HS3ST4: variants seen among roughly 807,000 people sequenced by gnomAD.
HS3ST4 encodes heparan sulfate glucosamine 3-O-sulfotransferase 4.
In HS3ST4, 17 loss-of-function variants were observed where a neutral mutation model predicts 29.2. The ratio of observed to expected loss-of-function variants is 0.58; its 90% CI spans 0.40 to 0.87. HS3ST4 has a LOEUF of 0.87. Ranked by LOEUF, HS3ST4 falls within the 40% of genes least tolerant of loss-of-function variation. The pLI is 0.00. For missense variants in HS3ST4, 627 were observed against 634.5 expected (o/e 0.99, Z 0.13); for synonymous variants, 314 against 285.7 (o/e 1.10, Z -1.00).
At chr16:25,807,191 C>T (rs1966998467) in intron 1 of HS3ST4, among the ~76,000 whole-genome samples, 1 of 152,062 alleles carries the variant, frequency 6.6e-6, no homozygotes, top group Non-Finnish European at 1.5e-5. Context: ...CTGGGCTGGT[C>T]TCGAACTCCT....
chr16:25,906,224 T>C (rs1472129950), intron 1 of HS3ST4, among the ~76,000 whole-genome samples: 1 of 152,142 alleles, frequency 6.6e-6, no homozygotes, highest in East Asian at 1.9e-4. Context: ...TGGGAGGCAG[T>C]CTCACTTTTT....
intron 1 of HS3ST4, among the ~76,000 whole-genome samples, chr16:25,694,767 G>GT (rs796292619): frequency 0.061 from 8,750 of 144,592 alleles, 696 homozygotes; most frequent in African/African-American, 0.19. Flanking sequence ...GGGTAATTGC[G>GT]TTTTTTTTTT....
chr16:25,923,352 T>G (rs924697187), intron 1 of HS3ST4, among the ~76,000 whole-genome samples: 1 of 152,208 alleles, frequency 6.6e-6, no homozygotes, highest in Non-Finnish European at 1.5e-5. Flanking sequence ...ATTGCCTTAT[T>G]CTTTTCTGTG....
intron 1 of HS3ST4, among the ~76,000 whole-genome samples, chr16:25,831,395 C>CCACACACACA (rs555584666): frequency 2.9e-4 from 29 of 101,644 alleles, no homozygotes; most frequent in South Asian, 6.6e-4. Context: ...GACCCCGTCT[C>CCACACACACA]TACACACACA....
intron 1 of HS3ST4, among the ~76,000 whole-genome samples, chr16:25,977,011 G>A (rs1022907088): frequency 6.6e-6 from 1 of 152,114 alleles, no homozygotes; most frequent in Non-Finnish European, 1.5e-5. Context: ...GGTAGGATTT[G>A]GCCCATGGGC....
At chr16:25,880,130 T>C (rs1967878680) in intron 1 of HS3ST4, among the ~76,000 whole-genome samples, 2 of 152,192 alleles carry the variant, frequency 1.3e-5, no homozygotes, top group Non-Finnish European at 2.9e-5. Flanking sequence ...CCCAGACCTC[T>C]TTTTCCTGAG....
chr16:26,000,029 A>G (rs1481065384), intron 1 of HS3ST4, among the ~76,000 whole-genome samples: 1 of 151,172 alleles, frequency 6.6e-6, no homozygotes, highest in East Asian at 1.9e-4. Context: ...ACATGTTGAA[A>G]AGTAATTATC....
At chr16:26,059,795 T>C (rs1898453917) in intron 1 of HS3ST4, among the ~76,000 whole-genome samples, 1 of 152,198 alleles carries the variant, frequency 6.6e-6, no homozygotes, top group South Asian at 2.1e-4. Flanking sequence ...TTATTTTTTT[T>C]GAGATGGAGT....
chr16:25,796,109 G>T (rs573629637), intron 1 of HS3ST4, among the ~76,000 whole-genome samples: 1 of 152,242 alleles, frequency 6.6e-6, no homozygotes, highest in Admixed American at 6.5e-5. Flanking sequence ...TAATTAGGCA[G>T]CCCTGAACCC....
intron 1 of HS3ST4, among the ~76,000 whole-genome samples, chr16:25,873,393 TCCATCCATCCATCCATCCATCCAC>T (rs1385289705): frequency 0.023 from 3,205 of 139,436 alleles, 51 homozygotes; most frequent in South Asian, 0.036. Flanking sequence ...CATCCATCCA[TCCATCCATCCATCCATCCATCCAC>T]CCATCCATCC....
intron 1 of HS3ST4, among the ~76,000 whole-genome samples, chr16:25,897,687 T>G (rs1404422219): frequency 1.3e-5 from 2 of 152,002 alleles, no homozygotes; most frequent in Non-Finnish European, 2.9e-5. Flanking sequence ...CACAGCTTCC[T>G]CTCTCTCCCC....
chr16:25,784,015 A>G (rs1966855042), intron 1 of HS3ST4, among the ~76,000 whole-genome samples: 3 of 152,150 alleles, frequency 2.0e-5, no homozygotes, highest in African/African-American at 7.2e-5. Flanking sequence ...TGTGTGTCAT[A>G]TTTTGGTAAT....
chr16:25,761,180 A>C (rs1350863761), intron 1 of HS3ST4, among the ~76,000 whole-genome samples: 1 of 152,172 alleles, frequency 6.6e-6, no homozygotes, highest in African/African-American at 2.4e-5. Context: ...GATCTGCTTC[A>C]GTCGTATCTT....
At chr16:26,023,740 C>T (rs1596647844) in intron 1 of HS3ST4, among the ~76,000 whole-genome samples, 1 of 152,176 alleles carries the variant, frequency 6.6e-6, no homozygotes, top group East Asian at 1.9e-4. Flanking sequence ...GCTCTCCTAC[C>T]TAGTCTTTAT....
chr16:25,954,347 TCTC>T (rs1226188384), intron 1 of HS3ST4, among the ~76,000 whole-genome samples: 5 of 152,122 alleles, frequency 3.3e-5, no homozygotes, highest in Admixed American at 3.3e-4. Context: ...TTATCCCTCT[TCTC>T]CTCCCTTTCT....
chr16:25,916,980 C>A (rs1341464188), intron 1 of HS3ST4, among the ~76,000 whole-genome samples: 1 of 152,054 alleles, frequency 6.6e-6, no homozygotes, highest in African/African-American at 2.4e-5. Context: ...CGCCCTGCCT[C>A]GAATGCATTC....
intron 1 of HS3ST4, among the ~76,000 whole-genome samples, chr16:26,091,103 C>T (rs931867993): frequency 6.6e-6 from 1 of 152,100 alleles, no homozygotes; most frequent in Non-Finnish European, 1.5e-5. Context: ...TAAGGTAGAC[C>T]AAAGAAAGAA....
chr16:26,107,395 C>T (rs981462848), intron 1 of HS3ST4, among the ~76,000 whole-genome samples: 21 of 152,004 alleles, frequency 1.4e-4, no homozygotes, highest in Non-Finnish European at 1.8e-4. Flanking sequence ...CATACATGCA[C>T]ATATGTATTT....
At chr16:25,696,221 G>T (rs564791864) in intron 1 of HS3ST4, among the ~76,000 whole-genome samples, 3 of 152,258 alleles carry the variant, frequency 2.0e-5, no homozygotes, top group African/African-American at 7.2e-5. Context: ...AACCCTCCAT[G>T]CCCTCTTCCC....
Sources: allele counts gnomAD v4.1 joint callset (sites outside exome capture counted in the v4.1 genomes callset), GRCh38; gene constraint gnomAD v4.1.1; transcripts MANE v1.5; gene names NCBI Gene and HGNC (gene_info 2026-07-23, HGNC 2026-07-21).